DCC: variants seen among roughly 807,000 people sequenced by gnomAD.
DCC encodes DCC netrin 1 receptor, also known as netrin receptor DCC.
DCC carries 58 observed loss-of-function variants against 172.5 expected under a neutral mutation model. That is an observed-to-expected ratio of 0.34 (90% CI 0.27 to 0.42). DCC has a LOEUF of 0.42. Among genes scored for constraint, DCC ranks in the 10% least tolerant of loss-of-function variants. The pLI is 1.00. For missense variants in DCC, 1,740 were observed against 1,791.0 expected, an observed-to-expected ratio of 0.97 and a Z score of 0.51; for synonymous variants, 709 against 644.5, an observed-to-expected ratio of 1.10 and a Z score of -1.52.
chr18:52,946,435 C>T (rs530720375), intron 5 of DCC, among the ~76,000 whole-genome samples: 2 of 152,302 alleles, frequency 1.3e-5, no homozygotes, highest in African/African-American at 4.8e-5. Context: ...TACTGTCTAA[C>T]ACACTACCTA....
intron 1 of DCC, among the ~76,000 whole-genome samples, chr18:52,584,112 C>A (rs2033617368): frequency 6.6e-6 from 1 of 152,188 alleles, no homozygotes; most frequent in African/African-American, 2.4e-5. Context: ...GATCTGGAAT[C>A]ATTTTCCCAG....
chr18:53,128,872 T>G (rs8098331), intron 7 of DCC, among the ~76,000 whole-genome samples: 3 of 36,632 alleles, frequency 8.2e-5, no homozygotes, highest in African/African-American at 2.1e-4. Flanking sequence ...CACACACACA[T>G]ATATATATAT....
intron 2 of DCC, among the ~76,000 whole-genome samples, chr18:52,778,836 G>A (rs184275789): frequency 1.6e-4 from 24 of 152,150 alleles, no homozygotes; most frequent in African/African-American, 5.5e-4. Context: ...AATACACATG[G>A]GCATTGTATA....
intron 15 of DCC, among the ~76,000 whole-genome samples, chr18:53,365,041 C>T (rs544650831): frequency 2.8e-4 from 42 of 152,048 alleles, no homozygotes; most frequent in Admixed American, 9.2e-4. Flanking sequence ...TTGTCATTTA[C>T]ATTAGGTATA....
At chr18:52,493,011 A>C (rs959100059) in intron 1 of DCC, among the ~76,000 whole-genome samples, 1 of 152,148 alleles carries the variant, frequency 6.6e-6, no homozygotes, top group Non-Finnish European at 1.5e-5. Context: ...ATTGCAGAGC[A>C]TGCAGAAGAG....
intron 7 of DCC, among the ~76,000 whole-genome samples, chr18:53,073,908 TATA>T (rs2042689037): frequency 6.6e-6 from 1 of 151,068 alleles, no homozygotes; most frequent in African/African-American, 2.4e-5. Flanking sequence ...GTATATATAT[TATA>T]ATATAATTAC....
At chr18:53,092,091 T>G (rs1390041931) in intron 7 of DCC, among the ~76,000 whole-genome samples, 1 of 152,154 alleles carries the variant, frequency 6.6e-6, no homozygotes, top group Non-Finnish European at 1.5e-5. Flanking sequence ...GAATAACATG[T>G]TCATTTTTTG....
intron 22 of DCC, among the ~76,000 whole-genome samples, chr18:53,437,257 C>G (rs1354521931): frequency 6.6e-6 from 1 of 152,118 alleles, no homozygotes; most frequent in Non-Finnish European, 1.5e-5. Context: ...CTTGCTCTGG[C>G]AGTCCCTAAC....
At chr18:52,806,706 A>G (rs1419962714) in intron 2 of DCC, among the ~76,000 whole-genome samples, 1 of 152,154 alleles carries the variant, frequency 6.6e-6, no homozygotes, top group Non-Finnish European at 1.5e-5. Flanking sequence ...CTGTCACTTT[A>G]TGGCTTCTTC....
At chr18:52,753,428 G>C (rs770438986) in intron 2 of DCC, among the ~76,000 whole-genome samples, 1 of 152,052 alleles carries the variant, frequency 6.6e-6, no homozygotes, top group Non-Finnish European at 1.5e-5. Flanking sequence ...TTATATCTAA[G>C]GGAGGACTTC....
At position 52,818,875 on chromosome 18, in the gene DCC, C is replaced by T. The variant is rs116350706; in HGVS notation, c.412+66501C>T. On this transcript the variant is annotated intron_variant, in intron 2 of 28. Coordinates refer to ENST00000442544, the MANE Select transcript of DCC (RefSeq NM_005215.4). ...ACAGTGGCTAGTTAGAGAACAGATA[C>T]AAAAAGTTAGAGACTTGAATCATTC... Among the ~76,000 whole-genome samples, 1,246 of 152,228 alleles carry T rather than the reference C, an allele frequency of 8.2e-3. 20 individuals carry two copies. The highest frequency in any genetic ancestry group is 0.028 in the African/African-American group (1,163 of 41,534).
intron 5 of DCC, among the ~76,000 whole-genome samples, chr18:53,032,913 T>G (rs542445474): frequency 6.6e-6 from 1 of 152,236 alleles, no homozygotes; most frequent in Non-Finnish European, 1.5e-5. Context: ...AAATCTGAGT[T>G]TTCTCAGCAA....
intron 5 of DCC, among the ~76,000 whole-genome samples, chr18:53,049,956 A>T (rs1282008281): frequency 6.6e-6 from 1 of 152,080 alleles, no homozygotes; most frequent in African/African-American, 2.4e-5. Context: ...GAGTCCAGAA[A>T]CCTCAAAAGT....
At chr18:52,498,968 A>T (rs2030912556) in intron 1 of DCC, among the ~76,000 whole-genome samples, 1 of 152,196 alleles carries the variant, frequency 6.6e-6, no homozygotes, top group Non-Finnish European at 1.5e-5. Context: ...GAGGAGGCAC[A>T]GCGCAGTCCA....
intron 5 of DCC, among the ~76,000 whole-genome samples, chr18:52,940,075 CTG>C (rs2145520923): frequency 1.3e-5 from 2 of 152,312 alleles, no homozygotes; most frequent in East Asian, 3.9e-4. Context: ...TCCCAGGAAA[CTG>C]TGCCTTAGTA....
At chr18:53,299,055 A>G (rs1049159969) in intron 12 of DCC, among the ~76,000 whole-genome samples, 8 of 152,174 alleles carry the variant, frequency 5.3e-5, no homozygotes, top group Admixed American at 2.6e-4. Flanking sequence ...AACATAAACC[A>G]TGACTATTCT....
chr18:53,135,388 A>G (rs191464992), intron 7 of DCC, among the ~76,000 whole-genome samples: 53 of 152,328 alleles, frequency 3.5e-4, no homozygotes, highest in African/African-American at 1.2e-3. Context: ...ATTAAGGATA[A>G]TAAGGGAAAG....
chr18:52,619,545 C>A (rs2034443644), intron 1 of DCC, among the ~76,000 whole-genome samples: 1 of 152,108 alleles, frequency 6.6e-6, no homozygotes, highest in African/African-American at 2.4e-5. Flanking sequence ...TGGGTGATCC[C>A]AATAACCAAT....
At chr18:52,674,554 G>A (rs905742296) in intron 1 of DCC, among the ~76,000 whole-genome samples, 1 of 151,988 alleles carries the variant, frequency 6.6e-6, no homozygotes, top group Non-Finnish European at 1.5e-5. Context: ...AAATCCCATG[G>A]CCCAGGCAAG....
Sources: gnomAD v4.1 joint callset for allele counts (sites outside exome capture counted in the v4.1 genomes callset) on GRCh38, gnomAD v4.1.1 for gene constraint, MANE v1.5 for transcripts, NCBI Gene and HGNC (gene_info 2026-07-23, HGNC 2026-07-21) for gene names.